The following TM7SF3 variants were observed in gnomAD, a reference collection of about 807,000 sequenced individuals.
TM7SF3 encodes transmembrane 7 superfamily member 3.
In TM7SF3, 60 loss-of-function variants were observed where a neutral mutation model predicts 65.5. The observed-to-expected ratio is 0.92, with a 90% CI of 0.74 to 1.14. The LOEUF (loss-of-function observed/expected upper bound fraction) is 1.14, where lower values mean the gene tolerates loss of function less well. Ranked by LOEUF, TM7SF3 falls within the 50% of genes most tolerant of loss-of-function variation. TM7SF3 has a pLI of 0.00. For missense variants in TM7SF3, 623 were observed against 684.8 expected, an observed-to-expected ratio of 0.91 and a Z score of 1.01; for synonymous variants, 264 against 259.6, an observed-to-expected ratio of 1.02 and a Z score of -0.16.
chr12:26,973,625 AAC>A lies in TM7SF3; in HGVS notation c.*338_*339del. 1 of 187,630 alleles carries A rather than the reference AAC, an allele frequency of 5.3e-6. No individual in the cohort carries two copies. The highest frequency in any genetic ancestry group is 1.1e-5 in the Non-Finnish European group (1 of 91,316). The allele number at this position is 187,630 out of a possible 1,614,324, so 11.6% of individuals were successfully genotyped here. The stretch of plus-strand genomic sequence containing the variant: ...CTTGTTTCAAGGGGTTATAAAAAGA[AAC>A]ACCAGTGCTCTGCAGAAGAATCAGT... On this transcript the variant is annotated 3_prime_UTR_variant, in exon 12 of 12. Transcript: ENST00000343028.
chr12:26,980,423 G>C, intron 8 of TM7SF3, 143 bp downstream of exon 8: 1 of 631,042 alleles, frequency 1.6e-6, no homozygotes, highest in Non-Finnish European at 2.8e-6. Context: ...CAGAAAAGGT[G>C]TTCAGAGACT....
intron 1 of TM7SF3, chr12:27,013,029 T>C (rs1256467661): frequency 4.5e-6 from 1 of 224,044 alleles, no homozygotes; most frequent in African/African-American, 2.4e-5. Flanking sequence ...CCTGAAATCA[T>C]CAAAAATGGT....
chr12:26,973,783 A>C lies in TM7SF3; in HGVS notation c.*182T>G. 1.5e-6 allele frequency: 1 copy of C among 683,196 alleles called. No homozygotes were observed. Among genetic ancestry groups the C allele is most frequent in the Non-Finnish European group, 2.2e-6 (1 of 458,848 alleles). 42.3% of individuals were successfully genotyped at this position (683,196 alleles called of 1,614,324 possible). The stretch of plus-strand genomic sequence containing the variant: ...CACCAACCTTTTGGTCATCTTTCTC[A>C]TTCTCTTACAATCATCCTAATCCCC... On this transcript the variant is annotated 3_prime_UTR_variant, in exon 12 of 12. Transcript: ENST00000343028.
chr12:27,006,859 T>C (rs1037784796), intron 1 of TM7SF3, among the ~76,000 whole-genome samples: 2 of 152,224 alleles, frequency 1.3e-5, no homozygotes, highest in African/African-American at 4.8e-5. Flanking sequence ...CAATCTCCTA[T>C]TAATGAACAT....
chr12:26,982,721 C>G, intron 7 of TM7SF3, 52 bp downstream of exon 7: 1 of 1,308,448 alleles, frequency 7.6e-7, no homozygotes, highest in Non-Finnish European at 1.1e-6. Flanking sequence ...CATTCCCCAG[C>G]AACACTGAAA....
intron 9 of TM7SF3, among the ~76,000 whole-genome samples, chr12:26,977,721 TCTAGCCTGGGAGAC>T (rs1304434621): frequency 1.3e-5 from 2 of 152,016 alleles, no homozygotes; most frequent in African/African-American, 4.8e-5. Context: ...GCGACTGCAC[TCTAGCCTGGGAGAC>T]AGAGTGAGAC....
rs552885154 is a variant in TM7SF3, at chr12:26,979,942, C to G, written c.1037-6G>C. 2 of 1,614,054 alleles carry G rather than the reference C, an allele frequency of 1.2e-6. No homozygotes were observed. Among genetic ancestry groups the G allele is most frequent in the Non-Finnish European group, 1.7e-6 (2 of 1,179,998 alleles). On this transcript the variant is annotated splice_region_variant and splice_polypyrimidine_tract_variant and intron_variant, in intron 8 of 11. Transcript: ENST00000343028. ...AGCTGTCAGAATCAGATTCACTGTA[C>G]AAAGAGAGAGGATGAACTGCTGGAT...
intron 9 of TM7SF3, 59 bp downstream of exon 9, chr12:26,979,725 A>C: frequency 6.3e-7 from 1 of 1,583,260 alleles, no homozygotes; most frequent in Non-Finnish European, 8.6e-7. Context: ...TGCAAATCCA[A>C]TTAGGCAGTA....
chr12:26,985,201 G>C (rs576886567), intron 6 of TM7SF3, among the ~76,000 whole-genome samples: 5 of 152,026 alleles, frequency 3.3e-5, no homozygotes, highest in Non-Finnish European at 7.4e-5. Context: ...TCAGTCCATC[G>C]GTTAAAAATA....
chr12:26,978,142 A>C, intron 9 of TM7SF3: 1 of 425,526 alleles, frequency 2.4e-6, no homozygotes, highest in Non-Finnish European at 4.7e-6. Context: ...TGAGGAGATG[A>C]TCACTCTAAC....
chr12:26,976,373 G>C lies in TM7SF3; in HGVS notation c.1190-16C>G, dbSNP rs1939564068. The C allele has an allele frequency of 1.9e-6, 3 of 1,561,528 alleles. No individual in the cohort carries two copies. Among genetic ancestry groups the C allele is most frequent in the Non-Finnish European group, 2.6e-6 (3 of 1,133,216 alleles). On this transcript the variant is annotated splice_polypyrimidine_tract_variant and intron_variant, in intron 9 of 11. Coordinates refer to ENST00000343028, the MANE Select transcript of TM7SF3 (RefSeq NM_016551.3). Reference sequence around the variant, plus strand: ...TTTAGGTTTCCTGAAAAAGCAAAAAGAAACTAAGAGTAAACAACAGCTTTA... The same window carrying C: ...TTTAGGTTTCCTGAAAAAGCAAAAACAAACTAAGAGTAAACAACAGCTTTA...
intron 6 of TM7SF3, chr12:26,983,657 G>C: frequency 2.6e-6 from 1 of 388,664 alleles, no homozygotes; most frequent in Non-Finnish European, 5.3e-6. Flanking sequence ...GTGTATGGAG[G>C]CTCGCTGAAG....
In TM7SF3 at chr12:27,002,628, A is replaced by G. The variant is rs530381254; in HGVS notation, c.246+608T>C. Among the ~76,000 whole-genome samples the G allele has an allele frequency of 7.2e-5, 11 of 152,310 alleles. 1 individual carries two copies. The highest frequency in any genetic ancestry group is 2.6e-4 in the African/African-American group (11 of 41,564). The stretch of plus-strand genomic sequence containing the variant: ...AGATAGATTGTAAAAGATTATATAA[A>G]TGGCAGACTCTTCATAGCTTAAACT... On this transcript the variant is annotated intron_variant, in intron 2 of 11. Transcript: ENST00000343028.
intron 2 of TM7SF3, 68 bp downstream of exon 2, chr12:27,003,168 G>A (rs1247582901): frequency 1.8e-6 from 2 of 1,088,262 alleles, no homozygotes; most frequent in African/African-American, 3.2e-5. Flanking sequence ...AAATTCTAAT[G>A]CTCATACTAA....
intron 2 of TM7SF3, among the ~76,000 whole-genome samples, chr12:27,001,092 A>G (rs1364880461): frequency 6.6e-6 from 1 of 152,056 alleles, no homozygotes; most frequent in Non-Finnish European, 1.5e-5. Context: ...CAAAGAGCCA[A>G]TTGCCATCAC....
chr12:27,009,962 C>T (rs1289477795), intron 1 of TM7SF3, among the ~76,000 whole-genome samples: 1 of 152,160 alleles, frequency 6.6e-6, no homozygotes, highest in African/African-American at 2.4e-5. Context: ...TTTAACCAAA[C>T]CAGTTGTGGT....
chr12:27,002,187 G>T lies in TM7SF3; in HGVS notation c.246+1049C>A, dbSNP rs141925382. ...CCTCTAATATTATATATGGGCTGGGGCGCAGTGGCTCATGCCTGCAATCCC... is the reference window on the plus strand; with the variant it reads ...CCTCTAATATTATATATGGGCTGGGTCGCAGTGGCTCATGCCTGCAATCCC... On this transcript the variant is annotated intron_variant, in intron 2 of 11. Coordinates refer to ENST00000343028, the MANE Select transcript of TM7SF3 (RefSeq NM_016551.3). Among the ~76,000 whole-genome samples, 981 of 152,206 alleles carry T rather than the reference G, an allele frequency of 6.4e-3. 9 individuals carry two copies. Among genetic ancestry groups the T allele is most frequent in the African/African-American group, 0.023 (949 of 41,504 alleles).
At chr12:27,007,003 G>A (rs1195801739) in intron 1 of TM7SF3, among the ~76,000 whole-genome samples, 3 of 152,182 alleles carry the variant, frequency 2.0e-5, no homozygotes, top group Non-Finnish European at 4.4e-5. Context: ...CTGTGACAGT[G>A]TAACAGATGA....
chr12:27,013,775 T>C (rs1461127013), intron 1 of TM7SF3, among the ~76,000 whole-genome samples: 1 of 152,130 alleles, frequency 6.6e-6, no homozygotes, highest in Non-Finnish European at 1.5e-5. Context: ...CTTTAGTAAG[T>C]TGAATTAAAG....
Sources: gnomAD v4.1 joint callset for allele counts (sites outside exome capture counted in the v4.1 genomes callset) on GRCh38, gnomAD v4.1.1 for gene constraint, MANE v1.5 for transcripts, NCBI Gene and HGNC (gene_info 2026-07-23, HGNC 2026-07-21) for gene names.